STPG2: variants seen among roughly 807,000 people sequenced by gnomAD.
STPG2 encodes the protein sperm tail PG-rich repeat containing 2.
A neutral mutation model predicts 54.2 loss-of-function variants in STPG2; 56 were observed. The observed-to-expected ratio is 1.03, with a 90% CI of 0.83 to 1.29. The LOEUF is 1.29. STPG2 is among the 50% of genes most tolerant of loss of function. STPG2 has a pLI of 0.00. For missense variants in STPG2, 596 were observed against 544.9 expected, an observed-to-expected ratio of 1.09 and a Z score of -0.93; for synonymous variants, 200 against 181.8, an observed-to-expected ratio of 1.10 and a Z score of -0.81.
At chr4:97,512,316 A>C (rs890079148) in intron 4 of STPG2, among the ~76,000 whole-genome samples, 1 of 152,114 alleles carries the variant, frequency 6.6e-6, no homozygotes, top group African/African-American at 2.4e-5. Context: ...AATAACTAAG[A>C]TAGGAAAGGT....
Position 97,594,714 on chromosome 4 carries a change from G to C in STPG2, c.1321-35597C>G, listed in dbSNP as rs552583630. On this transcript the variant is annotated intron_variant, in intron 10 of 10. Coordinates refer to ENST00000295268, the MANE Select transcript of STPG2 (RefSeq NM_174952.3). ...CAGATTCTCCAAGAATGAAATTAAA[G>C]AAAAATCATTAAAGGCAGATAAAGA... 5.9e-5 allele frequency among the ~76,000 whole-genome samples: 9 copies of C among 152,166 alleles called. No homozygotes were observed. In the South Asian group the frequency reaches 1.9e-3, roughly 32 times the overall value.
intron 8 of STPG2, among the ~76,000 whole-genome samples, chr4:97,899,370 T>A (rs1370579658): frequency 1.3e-5 from 2 of 151,920 alleles, no homozygotes; most frequent in Non-Finnish European, 2.9e-5. Flanking sequence ...ATAGGAAGAA[T>A]CAATATCATT....
intron 10 of STPG2, among the ~76,000 whole-genome samples, chr4:97,641,436 A>G (rs957951215): frequency 1.3e-5 from 2 of 151,582 alleles, no homozygotes; most frequent in Admixed American, 6.6e-5. Flanking sequence ...ATGCATATAT[A>G]TAAACATACC....
At chr4:97,963,890 T>C (rs1188839767) in intron 7 of STPG2, among the ~76,000 whole-genome samples, 1 of 152,082 alleles carries the variant, frequency 6.6e-6, no homozygotes. Flanking sequence ...TATGTTAAAC[T>C]TGTTCTTATA....
intron 9 of STPG2, among the ~76,000 whole-genome samples, chr4:97,802,084 C>T (rs534411394): frequency 5.3e-5 from 8 of 152,214 alleles, no homozygotes; most frequent in Admixed American, 4.6e-4. Flanking sequence ...TCTAATAAAG[C>T]TCCAGGTGAT....
intron 4 of STPG2, among the ~76,000 whole-genome samples, chr4:97,464,704 T>C (rs1373902905): frequency 6.6e-6 from 1 of 152,152 alleles, no homozygotes; most frequent in African/African-American, 2.4e-5. Context: ...ATTTACCCTG[T>C]CACTGGTACT....
intron 10 of STPG2, among the ~76,000 whole-genome samples, chr4:97,585,120 A>AC (rs1732963370): frequency 2.5e-5 from 3 of 121,452 alleles, no homozygotes; most frequent in Admixed American, 1.5e-4. Flanking sequence ...AAAAAAAAAA[A>AC]AAAACAAAAC....
intron 10 of STPG2, among the ~76,000 whole-genome samples, chr4:97,595,458 G>T (rs896349042): frequency 2.0e-5 from 3 of 152,076 alleles, no homozygotes; most frequent in African/African-American, 7.2e-5. Flanking sequence ...ATGGGGTAGG[G>T]GGAGAGGGGA....
chr4:97,652,404 C>G (rs995717129), intron 10 of STPG2, among the ~76,000 whole-genome samples: 1 of 151,446 alleles, frequency 6.6e-6, no homozygotes. Flanking sequence ...TGTCTCTGAC[C>G]ATTGAGTGCT....
At chr4:98,097,880 G>T (rs4699597) in intron 5 of STPG2, among the ~76,000 whole-genome samples, 5 of 151,780 alleles carry the variant, frequency 3.3e-5, no homozygotes, top group Non-Finnish European at 7.4e-5. Context: ...AATAGCCACA[G>T]ATAAAATTGA....
Position 97,740,128 on chromosome 4 carries a change from A to G in STPG2, c.1205-27314T>C, listed in dbSNP as rs573613389. ...AGAAAAAAACCACAGGATTATCTCAATAGATGCAGAAAAGGCCTTTCACAA... is the reference window on the plus strand; with the variant it reads ...AGAAAAAAACCACAGGATTATCTCAGTAGATGCAGAAAAGGCCTTTCACAA... On this transcript the variant is annotated intron_variant, in intron 9 of 10. Transcript: ENST00000295268. 9.2e-5 allele frequency among the ~76,000 whole-genome samples: 14 copies of G among 152,344 alleles called. No homozygotes were observed. The East Asian group carries it at 9.6e-4, about 10-fold the overall frequency.
intron 10 of STPG2, among the ~76,000 whole-genome samples, chr4:97,637,246 T>G (rs991108049): frequency 5.9e-5 from 9 of 152,308 alleles, no homozygotes; most frequent in Non-Finnish European, 8.8e-5. Flanking sequence ...AAAAACCACA[T>G]GATTATCTCA....
At chr4:97,886,231 G>GA (rs943312948) in intron 8 of STPG2, among the ~76,000 whole-genome samples, 1 of 151,848 alleles carries the variant, frequency 6.6e-6, no homozygotes, top group Non-Finnish European at 1.5e-5. Flanking sequence ...GAACTTTATA[G>GA]AAAAAAATAA....
rs570378584 is a variant in STPG2, at chr4:98,031,668, A to G, written c.613-50350T>C. ...CCACCGCACTCCAGCCTGGGCAAAA[A>G]GAACAAAACTCTGTCTCAAAAAAAA... On this transcript the variant is annotated intron_variant, in intron 5 of 10. Coordinates refer to ENST00000295268, the MANE Select transcript of STPG2 (RefSeq NM_174952.3). 4.2e-3 allele frequency among the ~76,000 whole-genome samples: 638 copies of G among 152,218 alleles called. 3 individuals carry two copies. Among genetic ancestry groups the G allele is most frequent in the South Asian group, 0.024 (116 of 4,816 alleles).
intron 5 of STPG2, among the ~76,000 whole-genome samples, chr4:98,018,023 T>TTAA (rs1736025869): frequency 6.6e-6 from 1 of 151,866 alleles, no homozygotes; most frequent in Admixed American, 6.6e-5. Flanking sequence ...TTTATTTTAT[T>TTAA]TTATTATTAT....
chr4:97,462,142 A>C (rs1031627199), intron 4 of STPG2, among the ~76,000 whole-genome samples: 4 of 152,020 alleles, frequency 2.6e-5, no homozygotes, highest in Non-Finnish European at 4.4e-5. Context: ...AGTACTCAAA[A>C]TTCTTTTCAT....
intron 7 of STPG2, among the ~76,000 whole-genome samples, chr4:97,967,911 A>G (rs1192990803): frequency 6.6e-6 from 1 of 152,220 alleles, no homozygotes; most frequent in Non-Finnish European, 1.5e-5. Context: ...AAAGCAGAAA[A>G]GATCTAAAAT....
intron 9 of STPG2, among the ~76,000 whole-genome samples, chr4:97,787,169 T>A (rs971548618): frequency 1.1e-4 from 16 of 152,114 alleles, no homozygotes; most frequent in Non-Finnish European, 1.9e-4. Context: ...ATAAAGACAG[T>A]TTAATCATCC....
chr4:97,645,221 TA>T (rs79186834), intron 10 of STPG2, among the ~76,000 whole-genome samples: 7,979 of 145,756 alleles, frequency 0.055, 300 homozygotes, highest in Admixed American at 0.14. Context: ...AGCTACAGTT[TA>T]AAAAAAAAAA....
Sources: gnomAD v4.1 joint callset for allele counts (sites outside exome capture counted in the v4.1 genomes callset) on GRCh38, gnomAD v4.1.1 for gene constraint, MANE v1.5 for transcripts, NCBI Gene and HGNC (gene_info 2026-07-23, HGNC 2026-07-21) for gene names.